Variants in SHOC2 observed in about 807,000 individuals in gnomAD.
The protein encoded by SHOC2 is leucine-rich repeat protein SHOC-2.
Under a neutral mutation model 50.2 loss-of-function variants are expected in SHOC2, and 4 were observed. The observed-to-expected ratio is 0.08, with a 90% confidence interval of 0.04 to 0.18. SHOC2 has a LOEUF of 0.18. Ranked by LOEUF, SHOC2 falls within the 10% of genes least tolerant of loss-of-function variation. The pLI is 1.00. For synonymous variants in SHOC2, 218 were observed against 244.5 expected (o/e 0.89, Z 1.01); for missense variants, 388 against 669.6 (o/e 0.58, Z 4.64).
Position 110,944,579 on chromosome 10 carries a change from G to A in SHOC2, c.-234-19546G>A, listed in dbSNP as rs535886594. Among the ~76,000 whole-genome samples the A allele has an allele frequency of 2.0e-5, 3 of 152,194 alleles. No homozygotes were observed. In the South Asian group the frequency reaches 6.2e-4, roughly 32 times the overall value. ...AATAAATGATCTTTGAAATAATGTG[G>A]ACATTCTAAATAATATAAAAATGTC... On this transcript the variant is annotated intron_variant, in intron 1 of 8. Transcript: ENST00000369452.
At position 111,003,344 on chromosome 10, in the gene SHOC2, A is replaced by G. The variant is rs145734978; in HGVS notation, c.973-1262A>G. ...ACTTTGAATCTAGAGTGTTTCTTCT[A>G]TTTCTCTGAGTATTTTAAAATGTTT... On this transcript the variant is annotated intron_variant, in intron 4 of 8. Transcript: ENST00000369452. Among the ~76,000 whole-genome samples the G allele has an allele frequency of 1.9e-4, 29 of 152,196 alleles. No individual in the cohort carries two copies. In the East Asian group the frequency reaches 3.3e-3, roughly 17 times the overall value.
chr10:110,921,321 T>C (rs968963973), intron 1 of SHOC2, among the ~76,000 whole-genome samples: 2 of 152,218 alleles, frequency 1.3e-5, no homozygotes, highest in Non-Finnish European at 2.9e-5. Context: ...GGACATAAAG[T>C]ATATTGTAAA....
rs1287482886 is a variant in SHOC2 at position 110,990,566 on chromosome 10, C to T, written c.841+4801C>T. Among the ~76,000 whole-genome samples the T allele has an allele frequency of 4.6e-5, 7 of 151,968 alleles. No homozygotes were observed. The East Asian group carries it at 5.8e-4, about 13-fold the overall frequency. ...TTGTATCTAGCTCAGGGATTGTAAACGCACCAATCAGCGCCCTGACAAAAC... is the reference window on the plus strand; with the variant it reads ...TTGTATCTAGCTCAGGGATTGTAAATGCACCAATCAGCGCCCTGACAAAAC... On this transcript the variant is annotated intron_variant, in intron 3 of 8. Transcript: ENST00000369452.
rs1847647992 is a variant in SHOC2 at position 110,965,081 on chromosome 10, T to G, written c.703+20T>G. ...AAATTGGTAAGAGGCCTTGGATTATTATTATTTGTAGTATTTGTTATGCTA... is the reference window on the plus strand; with the variant it reads ...AAATTGGTAAGAGGCCTTGGATTATGATTATTTGTAGTATTTGTTATGCTA... On this transcript the variant is annotated intron_variant, in intron 2 of 8. Transcript: ENST00000369452. 2 of 1,599,380 alleles carry G rather than the reference T, an allele frequency of 1.3e-6. No individual in the cohort carries two copies. Among genetic ancestry groups the G allele is most frequent in the South Asian group, 2.2e-5 (2 of 90,618 alleles).
chr10:110,979,716 A>G (rs1223497701), intron 2 of SHOC2, among the ~76,000 whole-genome samples: 1 of 152,190 alleles, frequency 6.6e-6, no homozygotes, highest in African/African-American at 2.4e-5. Flanking sequence ...TTTCCCCCAT[A>G]GTTAGCCACT....
chr10:110,920,145 G>C (rs939386054), intron 1 of SHOC2: 3 of 152,264 alleles, frequency 2.0e-5, no homozygotes, highest in Non-Finnish European at 2.9e-5. Context: ...CGGTCATACA[G>C]GGTGGGGTCT....
In SHOC2 at chr10:111,011,883, C is replaced by G. The variant is rs1169548041; in HGVS notation, c.*65C>G. On this transcript the variant is annotated 3_prime_UTR_variant, in exon 9 of 9. Coordinates refer to ENST00000369452, the MANE Select transcript of SHOC2 (RefSeq NM_007373.4). ...TGCCATTAATGTTTCTTATCTATAT[C>G]TGTATCTATTTATGTAGATATTGGT... The G allele has an allele frequency of 5.5e-6, 7 of 1,266,272 alleles. No homozygotes were observed. In the South Asian group the frequency reaches 6.0e-5, roughly 11 times the overall value. The allele number at this position is 1,266,272 out of a possible 1,614,324, so 78.4% of individuals were successfully genotyped here.
intron 1 of SHOC2, among the ~76,000 whole-genome samples, chr10:110,932,702 G>T (rs566986625): frequency 3.2e-4 from 49 of 152,132 alleles, no homozygotes; most frequent in Middle Eastern, 6.8e-3. Flanking sequence ...GCTAATTCAG[G>T]TGCCTTCCCT....
chr10:110,934,325 A>T (rs1054189008), intron 1 of SHOC2, among the ~76,000 whole-genome samples: 2 of 152,184 alleles, frequency 1.3e-5, no homozygotes, highest in Non-Finnish European at 2.9e-5. Flanking sequence ...AAACAACCTA[A>T]ATATCAGTTG....
intron 8 of SHOC2, among the ~76,000 whole-genome samples, chr10:111,010,663 C>T (rs1590840132): frequency 7.9e-6 from 1 of 126,358 alleles, no homozygotes; most frequent in Admixed American, 8.9e-5. Context: ...TACATGTACC[C>T]TAGAACTTAA....
At chr10:110,993,089 A>AGT (rs1320706169) in intron 3 of SHOC2, among the ~76,000 whole-genome samples, 1 of 152,234 alleles carries the variant, frequency 6.6e-6, no homozygotes, top group Non-Finnish European at 1.5e-5. Flanking sequence ...AAGCTGTCAA[A>AGT]GTGGAGCACA....
At chr10:110,940,461 A>G (rs1379839438) in intron 1 of SHOC2, among the ~76,000 whole-genome samples, 1 of 152,218 alleles carries the variant, frequency 6.6e-6, no homozygotes, top group Admixed American at 6.5e-5. Context: ...AAAATAGTGT[A>G]TATTAAAAAT....
At chr10:110,938,671 T>C (rs1847078322) in intron 1 of SHOC2, among the ~76,000 whole-genome samples, 1 of 152,194 alleles carries the variant, frequency 6.6e-6, no homozygotes, top group Non-Finnish European at 1.5e-5. Context: ...CACTAATAAT[T>C]TCTACTTAAA....
intron 2 of SHOC2, among the ~76,000 whole-genome samples, chr10:110,969,812 A>G (rs1053036776): frequency 7.2e-5 from 11 of 152,166 alleles, no homozygotes; most frequent in African/African-American, 2.4e-4. Context: ...AAAATTATCT[A>G]ATATATTAAA....
At chr10:110,966,899 G>T (rs1213132843) in intron 2 of SHOC2, among the ~76,000 whole-genome samples, 3 of 151,958 alleles carry the variant, frequency 2.0e-5, no homozygotes, top group Non-Finnish European at 4.4e-5. Flanking sequence ...TTCTAAGCAG[G>T]GCATCAGAAA....
chr10:110,983,867 A>G (rs974779554), intron 2 of SHOC2, among the ~76,000 whole-genome samples: 1 of 152,214 alleles, frequency 6.6e-6, no homozygotes, highest in Non-Finnish European at 1.5e-5. Context: ...AGTCTGTATA[A>G]TACTCCGTTA....
intron 1 of SHOC2, among the ~76,000 whole-genome samples, chr10:110,960,742 C>T (rs970815533): frequency 6.6e-6 from 1 of 152,214 alleles, no homozygotes; most frequent in Non-Finnish European, 1.5e-5. Flanking sequence ...GTGGCACAAT[C>T]TCAGCTCACT....
chr10:110,984,169 A>G (rs1679268024), intron 2 of SHOC2, among the ~76,000 whole-genome samples: 1 of 151,976 alleles, frequency 6.6e-6, no homozygotes, highest in South Asian at 2.1e-4. Context: ...AGTACTTGTT[A>G]TTTTCTATTT....
rs1436378999 is a variant in SHOC2, at chr10:110,983,439, G to C, written c.704-2189G>C. Among the ~76,000 whole-genome samples the C allele has an allele frequency of 2.0e-5, 3 of 152,032 alleles. No homozygotes were observed. In the East Asian group the frequency reaches 5.8e-4, roughly 29 times the overall value. Reference sequence around the variant, plus strand: ...ATTTGAGATCCTGCCTCTTTTGTAAGGTAAAAATTTAGTGCTATAAACTTC... The same window carrying C: ...ATTTGAGATCCTGCCTCTTTTGTAACGTAAAAATTTAGTGCTATAAACTTC... On this transcript the variant is annotated intron_variant, in intron 2 of 8. Transcript: ENST00000369452.
Sources: gnomAD v4.1 joint callset for allele counts (sites outside exome capture counted in the v4.1 genomes callset) on GRCh38, gnomAD v4.1.1 for gene constraint, MANE v1.5 for transcripts, NCBI Gene and HGNC (gene_info 2026-07-23, HGNC 2026-07-21) for gene names.